The following EZR variants were observed in gnomAD, a reference collection of about 807,000 sequenced individuals.
EZR encodes cytovillin 2.
Under a neutral mutation model 74.8 loss-of-function variants are expected in EZR, and 40 were observed. The observed-to-expected ratio is 0.53, with a 90% CI of 0.42 to 0.70. EZR has a LOEUF of 0.70. Ranked by LOEUF, EZR falls within the 30% of genes least tolerant of loss-of-function variation. The pLI is 0.00. For missense variants in EZR, 678 were observed against 755.8 expected (o/e 0.90, Z 1.21); for synonymous variants, 341 against 283.3 (o/e 1.20, Z -2.05).
intron 2 of EZR, chr6:158,789,575 C>T (rs550429084): frequency 5.6e-6 from 4 of 718,110 alleles, no homozygotes; most frequent in South Asian, 2.7e-5. Context: ...AAACCAAACG[C>T]AGCTTCTTTG....
chr6:158,767,031 G>A lies in EZR; in HGVS notation c.1644C>T (p.Thr548=), dbSNP rs2128563275. Residue 548 remains threonine (T), a synonymous_variant, in exon 14 of 14, where the codon ACC becomes ACT. Coordinates refer to ENST00000367075, the MANE Select transcript of EZR (RefSeq NM_001111077.2). ...LSQARDENKR[T]HNDIIHNENM... ...TCTCGTTGTGGATGATGTCATTGTGGGTCCTCTTATTCTCATCTCGGGCCT... is the reference window on the plus strand; with the variant it reads ...TCTCGTTGTGGATGATGTCATTGTGAGTCCTCTTATTCTCATCTCGGGCCT... The A allele has an allele frequency of 2.5e-6, 4 of 1,614,148 alleles. No individual in the cohort carries two copies. Among genetic ancestry groups the A allele is most frequent in the Non-Finnish European group, 3.4e-6 (4 of 1,180,022 alleles).
chr6:158,817,879 A>G, intron 2 of EZR: 1 of 451,024 alleles, frequency 2.2e-6, no homozygotes, highest in Non-Finnish European at 4.0e-6. Flanking sequence ...TGCAGAGAAA[A>G]GCATCAAAAT....
In EZR at chr6:158,776,495, T is replaced by TG; in HGVS notation, c.707dup (p.Ile238AspfsTer7). The TG allele has an allele frequency of 6.2e-7, 1 of 1,613,164 alleles. No homozygotes were observed. Among genetic ancestry groups the TG allele is most frequent in the Non-Finnish European group, 8.5e-7 (1 of 1,179,560 alleles). On this transcript the variant is annotated frameshift_variant, in exon 8 of 14. Transcript: ENST00000367075. LOFTEE classifies it high-confidence loss of function. ...TTTCACTCCAAGGAAAGCCAATCTT[T>TG]GGGGTTAACCTGAGGTTAAAAAGAA... is the stretch of plus-strand genomic sequence containing the variant.
chr6:158,770,004 G>A (rs1016770319), intron 10 of EZR, 60 bp from the exon 11 acceptor site: 39 of 1,583,186 alleles, frequency 2.5e-5, no homozygotes, highest in Middle Eastern at 2.1e-4. Context: ...AGGAGCCCTC[G>A]CTTTCCATTC....
At chr6:158,794,822 T>C (rs1777034548) in intron 2 of EZR, among the ~76,000 whole-genome samples, 2 of 152,160 alleles carry the variant, frequency 1.3e-5, no homozygotes, top group South Asian at 4.1e-4. Context: ...CTTGGGGGTG[T>C]TGGTGGTGAT....
chr6:158,787,054 A>G, intron 4 of EZR, 54 bp downstream of exon 4: 2 of 1,415,226 alleles, frequency 1.4e-6, no homozygotes, highest in Non-Finnish European at 2.0e-6. Flanking sequence ...TTCCTTATCG[A>G]TGAAGCAGAC....
intron 12 of EZR, among the ~76,000 whole-genome samples, chr6:158,767,964 G>A (rs1790959281): frequency 6.6e-6 from 1 of 150,674 alleles, no homozygotes. Context: ...GTGTGGATCT[G>A]CTTTGTAGCC....
intron 2 of EZR, among the ~76,000 whole-genome samples, chr6:158,797,517 A>G (rs1037984698): frequency 6.6e-6 from 1 of 152,146 alleles, no homozygotes; most frequent in East Asian, 1.9e-4. Flanking sequence ...TTGACCTTCC[A>G]TATCATTTAA....
chr6:158,785,283 C>A (rs1422245752), intron 5 of EZR, 26 bp downstream of exon 5: 1 of 1,608,824 alleles, frequency 6.2e-7, no homozygotes, highest in Non-Finnish European at 8.5e-7. Context: ...ACTGCTCCTG[C>A]CCAGGCCGGG....
intron 6 of EZR, among the ~76,000 whole-genome samples, chr6:158,784,167 C>T (rs943484319): frequency 2.0e-5 from 3 of 152,140 alleles, no homozygotes; most frequent in East Asian, 1.9e-4. Flanking sequence ...GGCTCTAGGA[C>T]GAGAACACCC....
At chr6:158,779,530 T>C (rs1053627441) in intron 7 of EZR, among the ~76,000 whole-genome samples, 2 of 152,180 alleles carry the variant, frequency 1.3e-5, no homozygotes, top group African/African-American at 4.8e-5. Context: ...GAATTATTTG[T>C]ACTATTTTTA....
intron 2 of EZR, among the ~76,000 whole-genome samples, chr6:158,806,786 ATCTG>A (rs1266129964): frequency 7.9e-5 from 12 of 152,156 alleles, no homozygotes; most frequent in African/African-American, 2.9e-4. Flanking sequence ...TCTCACCATT[ATCTG>A]TCTAAATCCA....
At chr6:158,807,971 T>A (rs2128576129) in intron 2 of EZR, among the ~76,000 whole-genome samples, 1 of 152,364 alleles carries the variant, frequency 6.6e-6, no homozygotes, top group Non-Finnish European at 1.5e-5. Context: ...TGGATGTGAC[T>A]GTCAACCAAG....
chr6:158,791,690 C>T (rs1213904908), intron 2 of EZR, among the ~76,000 whole-genome samples: 3 of 145,482 alleles, frequency 2.1e-5, no homozygotes, highest in East Asian at 2.0e-4. Context: ...TCCATGCACA[C>T]GAGATTTCAG....
rs1790775172 is a variant in EZR at position 158,766,060 on chromosome 6, CTG to C, written c.*852_*853del. The C allele has an allele frequency of 6.6e-6, 1 of 152,628 alleles. No individual in the cohort carries two copies. The highest frequency in any genetic ancestry group is 1.5e-5 in the Non-Finnish European group (1 of 68,036). 9.5% of individuals were successfully genotyped at this position (152,628 alleles called of 1,614,324 possible). ...TAATAATAATCCTGTTTACACGTGACTGCAGCAGGCAGGTCCAGCTCCACCAC... is the reference window on the plus strand; with the variant it reads ...TAATAATAATCCTGTTTACACGTGACCAGCAGGCAGGTCCAGCTCCACCAC... On this transcript the variant is annotated 3_prime_UTR_variant, in exon 14 of 14. Coordinates refer to ENST00000367075, the MANE Select transcript of EZR (RefSeq NM_001111077.2).
rs139074360 is a variant in EZR at position 158,775,993 on chromosome 6, C to T, written c.795+415G>A. ...CTTGGGCACCAGCAATGCTTGGGTG[C>T]AAGTCTGACTGTCCCTATCTTGGGT... is the stretch of plus-strand genomic sequence containing the variant. On this transcript the variant is annotated intron_variant, in intron 8 of 13. Transcript: ENST00000367075. Among the ~76,000 whole-genome samples, 52 of 152,274 alleles carry T rather than the reference C, an allele frequency of 3.4e-4. 1 individual carries two copies. The East Asian group carries it at 9.3e-3, about 27-fold the overall frequency.
At chr6:158,788,191 AAG>A (rs1791634281) in intron 3 of EZR, 1 of 152,222 alleles carries the variant, frequency 6.6e-6, no homozygotes, top group African/African-American at 2.4e-5. Flanking sequence ...CATTTGCTTA[AAG>A]TAAATCCTAA....
intron 2 of EZR, among the ~76,000 whole-genome samples, chr6:158,808,744 AC>A (rs1777393453): frequency 6.6e-6 from 1 of 152,230 alleles, no homozygotes; most frequent in East Asian, 1.9e-4. Context: ...AGGTATGTTT[AC>A]CTATTTGCTC....
intron 2 of EZR, among the ~76,000 whole-genome samples, chr6:158,804,754 TC>T (rs1308449071): frequency 1.1e-3 from 65 of 58,302 alleles, no homozygotes; most frequent in African/African-American, 7.1e-3. Flanking sequence ...GTTTTTCCTT[TC>T]TTTTTTTCTT....
Sources: gnomAD v4.1 joint callset for allele counts (sites outside exome capture counted in the v4.1 genomes callset) on GRCh38, gnomAD v4.1.1 for gene constraint, MANE v1.5 for transcripts, NCBI Gene and HGNC (gene_info 2026-07-23, HGNC 2026-07-21) for gene names.